RAB27B: variants seen among roughly 807,000 people sequenced by gnomAD.
RAB27B encodes ras-related protein Rab-27B.
In RAB27B, 15 loss-of-function variants were observed where a neutral mutation model predicts 24.6. That is an observed-to-expected ratio of 0.61 (90% CI 0.41 to 0.94). RAB27B has a LOEUF of 0.94. RAB27B is among the 40% of genes least tolerant of loss of function. The probability of loss-of-function intolerance (pLI) is 0.00; values close to 1 mark genes in which losing one functional copy is unlikely to be tolerated. For synonymous variants in RAB27B, 105 were observed against 92.5 expected (o/e 1.14, Z -0.78); for missense variants, 261 against 266.8 (o/e 0.98, Z 0.15).
chr18:54,872,072 G>A (rs1026879198), intron 1 of RAB27B, among the ~76,000 whole-genome samples: 2 of 152,054 alleles, frequency 1.3e-5, no homozygotes, highest in African/African-American at 4.8e-5. Context: ...TATCCTCAGA[G>A]CCATGCAAAA....
chr18:54,861,563 T>C (rs913551896), intron 1 of RAB27B, among the ~76,000 whole-genome samples: 1 of 152,128 alleles, frequency 6.6e-6, no homozygotes, highest in South Asian at 2.1e-4. Flanking sequence ...TCTTTATGAG[T>C]GTGGTCTACT....
chr18:54,796,133 G>A (rs1053597539), intron 2 of RAB27B, among the ~76,000 whole-genome samples: 9 of 152,110 alleles, frequency 5.9e-5, no homozygotes, highest in East Asian at 1.9e-4. Context: ...GGGGTGGCTC[G>A]CTCCTTTGGC....
At chr18:54,837,554 AGGCT>A (rs1461112745) in intron 1 of RAB27B, among the ~76,000 whole-genome samples, 1 of 152,120 alleles carries the variant, frequency 6.6e-6, no homozygotes, top group Non-Finnish European at 1.5e-5. Flanking sequence ...AGGAGAGGTC[AGGCT>A]GGTGATAATG....
At chr18:54,849,264 C>G (rs1911458574) in intron 1 of RAB27B, among the ~76,000 whole-genome samples, 1 of 152,244 alleles carries the variant, frequency 6.6e-6, no homozygotes, top group Non-Finnish European at 1.5e-5. Flanking sequence ...GAGATCCTGC[C>G]AACTATCCAG....
intron 1 of RAB27B, among the ~76,000 whole-genome samples, chr18:54,867,010 C>T (rs1320191328): frequency 6.6e-6 from 1 of 152,108 alleles, no homozygotes; most frequent in Non-Finnish European, 1.5e-5. Context: ...GCAAGTAGCA[C>T]GTGGCAACTA....
chr18:54,806,741 T>C (rs1909802918), intron 2 of RAB27B, among the ~76,000 whole-genome samples: 1 of 151,730 alleles, frequency 6.6e-6, no homozygotes, highest in African/African-American at 2.4e-5. Flanking sequence ...ATTAACACCA[T>C]ATTTAAAATG....
At chr18:54,804,563 G>GA (rs1909709296) in intron 2 of RAB27B, among the ~76,000 whole-genome samples, 1 of 152,176 alleles carries the variant, frequency 6.6e-6, no homozygotes, top group South Asian at 2.1e-4. Flanking sequence ...TCAGCAGTGT[G>GA]AAAACAGACT....
chr18:54,833,993 G>A (rs1243864213), intron 1 of RAB27B, among the ~76,000 whole-genome samples: 1 of 152,194 alleles, frequency 6.6e-6, no homozygotes, highest in African/African-American at 2.4e-5. Context: ...CTGTTATAGA[G>A]ATGACTTCTA....
upstream of RAB27B, among the ~76,000 whole-genome samples, chr18:54,823,613 T>A (rs1012209611): frequency 6.6e-6 from 1 of 152,198 alleles, no homozygotes; most frequent in African/African-American, 2.4e-5. Flanking sequence ...GCATCCCCCA[T>A]ACCTGGCAGT....
intron 1 of RAB27B, among the ~76,000 whole-genome samples, chr18:54,864,641 G>C (rs948778456): frequency 6.6e-6 from 1 of 151,874 alleles, no homozygotes; most frequent in East Asian, 1.9e-4. Context: ...TTCTATAAAA[G>C]CTTCTTTGTT....
intron 2 of RAB27B, among the ~76,000 whole-genome samples, chr18:54,822,778 G>T (rs542424571): frequency 2.0e-5 from 3 of 151,976 alleles, no homozygotes; most frequent in Non-Finnish European, 4.4e-5. Flanking sequence ...TTTTAATAAA[G>T]ATGTCAAATA....
At chr18:54,765,618 T>A (rs1908337048) in intron 2 of RAB27B, among the ~76,000 whole-genome samples, 1 of 152,184 alleles carries the variant, frequency 6.6e-6, no homozygotes, top group Admixed American at 6.6e-5. Flanking sequence ...TTTACTGCCT[T>A]AGGGTTTTGC....
In RAB27B at chr18:54,853,566, A is replaced by G. The variant is rs560046650; in HGVS notation, c.-19-24001A>G. Among the ~76,000 whole-genome samples, 3 of 152,290 alleles carry G rather than the reference A, an allele frequency of 2.0e-5. No individual in the cohort carries two copies. In the South Asian group the frequency reaches 6.2e-4, roughly 32 times the overall value. On this transcript the variant is annotated intron_variant, in intron 1 of 5. Coordinates refer to ENST00000262094, the MANE Select transcript of RAB27B (RefSeq NM_004163.4). ...ATTGTAAGTATAGTTTTCTCTAAGT[A>G]CTGTGAAAGGAGAAATGGAAACTAG...
chr18:54,843,598 G>A (rs972593425), intron 1 of RAB27B, among the ~76,000 whole-genome samples: 24 of 152,218 alleles, frequency 1.6e-4, no homozygotes, highest in African/African-American at 4.6e-4. Context: ...GGTGTGTTCC[G>A]GCTGCATATC....
intron 4 of RAB27B, 62 bp from the exon 5 acceptor site, chr18:54,887,933 G>A (rs1913210854): frequency 6.4e-7 from 1 of 1,559,664 alleles, no homozygotes. Context: ...TGGAATAAGA[G>A]CAGTCATTTG....
intron 2 of RAB27B, among the ~76,000 whole-genome samples, chr18:54,728,998 G>C (rs929811995): frequency 2.2e-5 from 3 of 137,034 alleles, no homozygotes; most frequent in Non-Finnish European, 3.1e-5. Context: ...AAATATCTGA[G>C]TATACAACAT....
intron 1 of RAB27B, among the ~76,000 whole-genome samples, chr18:54,865,171 A>G (rs1912162433): frequency 6.6e-6 from 1 of 151,920 alleles, no homozygotes; most frequent in Non-Finnish European, 1.5e-5. Context: ...TTATTCTACT[A>G]TCATTTGAGT....
At chr18:54,840,016 T>G (rs1911046371) in intron 1 of RAB27B, among the ~76,000 whole-genome samples, 1 of 152,210 alleles carries the variant, frequency 6.6e-6, no homozygotes, top group Non-Finnish European at 1.5e-5. Context: ...TAATATATCC[T>G]CAGATTCTCC....
chr18:54,782,487 C>A (rs1005653692), intron 2 of RAB27B, among the ~76,000 whole-genome samples: 1 of 152,168 alleles, frequency 6.6e-6, no homozygotes, highest in Non-Finnish European at 1.5e-5. Flanking sequence ...CTCTAAGAAC[C>A]TTCACTTCCT....
Sources: allele counts gnomAD v4.1 joint callset (sites outside exome capture counted in the v4.1 genomes callset), GRCh38; gene constraint gnomAD v4.1.1; transcripts MANE v1.5; gene names NCBI Gene and HGNC (gene_info 2026-07-23, HGNC 2026-07-21).